The following OSBPL10 variants were observed in gnomAD, a reference collection of about 807,000 sequenced individuals.
OSBPL10 encodes the protein oxysterol-binding protein-related protein 10.
OSBPL10 carries 49 observed loss-of-function variants against 81.7 expected under a neutral mutation model. The ratio of observed to expected loss-of-function variants is 0.60; its 90% CI spans 0.48 to 0.76. OSBPL10 has a LOEUF of 0.76. Among genes scored for constraint, OSBPL10 ranks in the 30% least tolerant of loss-of-function variants. OSBPL10 has a pLI of 0.00. For missense variants in OSBPL10, 923 were observed against 987.8 expected (o/e 0.93, Z 0.88); for synonymous variants, 419 against 383.6 (o/e 1.09, Z -1.08).
intron 6 of OSBPL10, among the ~76,000 whole-genome samples, chr3:31,730,124 C>T (rs1243848600): frequency 1.3e-5 from 2 of 152,080 alleles, no homozygotes; most frequent in African/African-American, 2.4e-5. Context: ...AGGCAGATCA[C>T]GAGGTCAGGA....
chr3:32,059,525 A>G (rs1383464205), intron 1 of OSBPL10, among the ~76,000 whole-genome samples: 2 of 151,884 alleles, frequency 1.3e-5, no homozygotes, highest in African/African-American at 4.8e-5. Flanking sequence ...CGGGAGGTGG[A>G]GGTTGCAGTG....
intron 4 of OSBPL10, among the ~76,000 whole-genome samples, chr3:31,781,752 A>T (rs1698700839): frequency 6.6e-6 from 1 of 152,216 alleles, no homozygotes; most frequent in Admixed American, 6.5e-5. Context: ...CTAACTAAGG[A>T]GGTGAAAGAT....
chr3:31,988,282 C>T (rs559961732), intron 2 of OSBPL10, among the ~76,000 whole-genome samples: 78 of 152,146 alleles, frequency 5.1e-4, no homozygotes, highest in Non-Finnish European at 9.3e-4. Flanking sequence ...CCTGAGGAGC[C>T]TCTCCTACCT....
intron 2 of OSBPL10, among the ~76,000 whole-genome samples, chr3:32,042,202 C>A (rs1699582420): frequency 6.6e-6 from 1 of 152,214 alleles, no homozygotes; most frequent in African/African-American, 2.4e-5. Flanking sequence ...CAGACAATTT[C>A]ACCTCCCATC....
rs548250796 is a variant in OSBPL10 at position 31,904,162 on chromosome 3, C to G, written c.282-24332G>C. Among the ~76,000 whole-genome samples, 5 of 152,314 alleles carry G rather than the reference C, an allele frequency of 3.3e-5. No homozygotes were observed. The East Asian group carries it at 9.7e-4, about 29-fold the overall frequency. ...CTCCCTCCCTCTCCCCTGCTTCTTC[C>G]TTGCCCACTTTAATCCACCTCTCAC... On this transcript the variant is annotated intron_variant, in intron 1 of 11. Transcript: ENST00000396556.
At chr3:31,855,832 A>G (rs955605811) in intron 3 of OSBPL10, among the ~76,000 whole-genome samples, 10 of 152,082 alleles carry the variant, frequency 6.6e-5, no homozygotes, top group Non-Finnish European at 1.0e-4. Context: ...TCAGACTAAG[A>G]GCTGTCTACC....
At chr3:31,974,610 T>C (rs558460943) in intron 1 of OSBPL10, among the ~76,000 whole-genome samples, 6 of 151,682 alleles carry the variant, frequency 4.0e-5, no homozygotes, top group Middle Eastern at 3.2e-3. Context: ...CTCCCAAACA[T>C]AACGTTAAGA....
At chr3:31,952,900 G>A (rs1248896196) in intron 1 of OSBPL10, among the ~76,000 whole-genome samples, 1 of 151,086 alleles carries the variant, frequency 6.6e-6, no homozygotes, top group East Asian at 1.9e-4. Flanking sequence ...GATGGGATCT[G>A]GTGATGAAAT....
chr3:31,981,091 G>C lies in OSBPL10; in HGVS notation c.89C>G (p.Ser30Trp). 6.7e-7 allele frequency: 1 copy of C among 1,492,630 alleles called. No homozygotes were observed. The allele number at this position is 1,492,630 out of a possible 1,614,324, so 92.5% of individuals were successfully genotyped here. Residue 30 changes from serine to tryptophan, a missense_variant, in exon 1 of 12, where the codon TCG becomes TGG. By Grantham distance (177) the Ser-to-Trp change is radical (BLOSUM62 -3). This residue lies in a region of OSBPL10 where 514 missense variants were observed against 508.0 expected (regional missense o/e 1.01). Transcript: ENST00000396556. This position sits in a 1 kb window ranked among gnomAD's most constrained non-coding sequence, Gnocchi z 4.5. ...SSSRATSAGS[S>W]PSCSLAGRGV... ...CCGGCCCGCCAGAGAGCAGGAGGGC[G>C]AGGAGCCCGCCGAGGTAGCACGGCT...
At position 32,063,518 on chromosome 3, in the gene OSBPL10, G is replaced by T. The variant is rs556740044; in HGVS notation, n.185+13878C>A. Among the ~76,000 whole-genome samples, 10 of 92,466 alleles carry T rather than the reference G, an allele frequency of 1.1e-4. 2 individuals carry two copies. In the East Asian group the frequency reaches 2.5e-3, roughly 23 times the overall value. The allele number at this position is 92,466 out of a possible 152,430, so 60.7% of individuals were successfully genotyped here. ...TCGTCAAATTTTTAAGGAAGATTCA[G>T]TGCAAATTTGGCCCTGGGCTATCAG... On this transcript the variant is annotated intron_variant and non_coding_transcript_variant, in intron 1 of 3. Transcript: ENST00000479173.
At position 31,670,925 on chromosome 3, in the gene OSBPL10, GT is replaced by G; in HGVS notation, c.1784del (p.Tyr595SerfsTer30). On this transcript the variant is annotated frameshift_variant, in exon 9 of 12. Transcript: ENST00000396556. LOFTEE classifies it high-confidence loss of function. ...ACGGGATGGTGAGAATGGACCGGGC[GT>G]AGGCACTAGGCAGGGTGAATACGTA... Reference protein sequence around the residue: ...EEYVFTLPSAYARSILTIPWV... With the variant: ...EEYVFTLPSAXARSILTIPWV... 6.2e-7 allele frequency: 1 copy of G among 1,614,102 alleles called. No homozygotes were observed. The highest frequency in any genetic ancestry group is 8.5e-7 in the Non-Finnish European group (1 of 1,179,998).
chr3:32,069,938 GCC>G (rs1699813723), intron 1 of OSBPL10, among the ~76,000 whole-genome samples: 2 of 152,298 alleles, frequency 1.3e-5, no homozygotes, highest in African/African-American at 4.8e-5. Flanking sequence ...CCTAAGACAT[GCC>G]CTGTCTGTGT....
intron 5 of OSBPL10, among the ~76,000 whole-genome samples, chr3:31,738,573 G>T (rs1010424982): frequency 6.6e-5 from 10 of 152,164 alleles, no homozygotes; most frequent in African/African-American, 2.4e-4. Context: ...TTGAGCTCTT[G>T]CCAGGTGCCA....
chr3:32,066,634 A>C (rs947239390), intron 1 of OSBPL10: 3 of 152,264 alleles, frequency 2.0e-5, no homozygotes, highest in African/African-American at 7.2e-5. Context: ...AAGCCAACCA[A>C]GATCCATCAC....
chr3:31,989,636 C>A (rs745458067), intron 2 of OSBPL10: 6 of 1,614,206 alleles, frequency 3.7e-6, no homozygotes, highest in Middle Eastern at 1.6e-4. Flanking sequence ...ATCAACGATG[C>A]TTCCTCAGTT....
At chr3:32,049,752 T>C (rs1272349613) in intron 1 of OSBPL10, among the ~76,000 whole-genome samples, 1 of 152,202 alleles carries the variant, frequency 6.6e-6, no homozygotes, top group African/African-American at 2.4e-5. Flanking sequence ...TGGAGAACTT[T>C]TCTTTTCCCC....
intron 2 of OSBPL10, among the ~76,000 whole-genome samples, chr3:32,000,124 T>C (rs1699131071): frequency 6.6e-6 from 1 of 152,178 alleles, no homozygotes; most frequent in Non-Finnish European, 1.5e-5. Flanking sequence ...ACCAGCTTAT[T>C]CTATTTGAGG....
chr3:31,974,448 A>G (rs903592883), intron 1 of OSBPL10, among the ~76,000 whole-genome samples: 4 of 152,274 alleles, frequency 2.6e-5, no homozygotes, highest in Admixed American at 2.6e-4. Flanking sequence ...GAATGTTCAC[A>G]GCATTGTGAC....
intron 7 of OSBPL10, among the ~76,000 whole-genome samples, chr3:31,696,674 T>A (rs993534116): frequency 6.6e-6 from 1 of 152,228 alleles, no homozygotes; most frequent in African/African-American, 2.4e-5. Context: ...ATTCTTCCCA[T>A]CTCCCTGACC....
Sources: gnomAD v4.1 joint callset for allele counts (sites outside exome capture counted in the v4.1 genomes callset) on GRCh38, gnomAD v4.1.1 for gene constraint, gnomAD v4.1.1 regional missense constraint, Gnocchi (gnomAD v3.1) non-coding constraint, MANE v1.5 for transcripts, NCBI Gene and HGNC (gene_info 2026-07-23, HGNC 2026-07-21) for gene names.